The following ZHX3 variants were observed in gnomAD, a reference collection of about 807,000 sequenced individuals.
ZHX3 encodes the protein zinc fingers and homeoboxes protein 3.
A neutral mutation model predicts 64.5 loss-of-function variants in ZHX3; 20 were observed. The ratio of observed to expected loss-of-function variants is 0.31; its 90% CI spans 0.22 to 0.45. ZHX3 has a LOEUF of 0.45. Ranked by LOEUF, ZHX3 falls within the 20% of genes least tolerant of loss-of-function variation. ZHX3 has a pLI of 1.00. For missense variants in ZHX3, 1,041 were observed against 1,195.8 expected, an observed-to-expected ratio of 0.87 and a Z score of 1.91; for synonymous variants, 423 against 461.6, an observed-to-expected ratio of 0.92 and a Z score of 1.07.
chr20:41,270,675 C>G (rs1280454599), intron 1 of ZHX3, among the ~76,000 whole-genome samples: 1 of 109,926 alleles, frequency 9.1e-6, no homozygotes, highest in Admixed American at 8.7e-5. Context: ...GACTCCGTCT[C>G]AGAAAAAAAA....
chr20:41,315,310 G>A (rs557028198), intron 1 of ZHX3, among the ~76,000 whole-genome samples: 115 of 145,526 alleles, frequency 7.9e-4, no homozygotes, highest in African/African-American at 2.7e-3. Context: ...AGCCTCCTGA[G>A]TAGCTGGGAT....
rs201097931 is a variant in ZHX3, at chr20:41,202,381, T to A, written c.2536A>T (p.Asn846Tyr). 117 of 1,614,066 alleles carry A rather than the reference T, an allele frequency of 7.2e-5. No homozygotes were observed. Among genetic ancestry groups the A allele is most frequent in the Admixed American group, 1.8e-4 (11 of 59,996 alleles). Reference sequence around the variant, plus strand: ...TAATAGTCCTGCAGGAGCTCCCGGTTGCCAGGGGCAATGACCAGTAGCCCT... The same window carrying A: ...TAATAGTCCTGCAGGAGCTCCCGGTAGCCAGGGGCAATGACCAGTAGCCCT... ...PPGLLVIAPGNRELLQDYYMT... is the reference protein window; with the variant it reads ...PPGLLVIAPGYRELLQDYYMT... Residue 846 changes from asparagine to tyrosine, a missense_variant, in exon 3 of 4, where the codon AAC (asparagine) becomes TAC (tyrosine). Transcript: ENST00000683867. This position sits in a 1 kb window ranked among gnomAD's most constrained non-coding sequence, Gnocchi z 7.0.
intron 2 of ZHX3, among the ~76,000 whole-genome samples, chr20:41,250,667 A>C (rs2146505480): frequency 6.6e-6 from 1 of 152,372 alleles, no homozygotes; most frequent in South Asian, 2.1e-4. Context: ...AATTTGCTGA[A>C]GGACATAAAC....
intron 2 of ZHX3, among the ~76,000 whole-genome samples, chr20:41,227,847 T>A (rs568696749): frequency 2.0e-5 from 3 of 152,160 alleles, no homozygotes; most frequent in Non-Finnish European, 2.9e-5. Flanking sequence ...TCCAAGTATA[T>A]CATAGTGGTA....
intron 1 of ZHX3, among the ~76,000 whole-genome samples, chr20:41,283,160 T>C (rs994260666): frequency 5.9e-5 from 9 of 152,194 alleles, no homozygotes. Context: ...ACACTCGCCT[T>C]GGCCTTCCAA....
At chr20:41,209,174 G>T (rs1483366377) in intron 2 of ZHX3, among the ~76,000 whole-genome samples, 1 of 152,150 alleles carries the variant, frequency 6.6e-6, no homozygotes, top group Non-Finnish European at 1.5e-5. Context: ...ACAAACCAGT[G>T]CTCAACGAAA....
In ZHX3 at chr20:41,201,915, C is replaced by G; in HGVS notation, c.2860+142G>C. On this transcript the variant is annotated intron_variant, in intron 3 of 3. Transcript: ENST00000683867. This position sits in a 1 kb window ranked among gnomAD's most constrained non-coding sequence, Gnocchi z 5.0. ...TATGGCTTCTGCTGCTAGTTGTCCT[C>G]TGAAGCAGCCAGGCGGTTAATGCTG... 3 of 1,028,226 alleles carry G rather than the reference C, an allele frequency of 2.9e-6. No individual in the cohort carries two copies. Among genetic ancestry groups the G allele is most frequent in the Non-Finnish European group, 4.1e-6 (3 of 734,198 alleles). The allele number at this position is 1,028,226 out of a possible 1,614,324, so 63.7% of individuals were successfully genotyped here.
chr20:41,185,747 A>C lies in ZHX3; in HGVS notation c.2861-546T>G, dbSNP rs1275646217. 1 of 155,086 alleles carries C rather than the reference A, an allele frequency of 6.4e-6. No individual in the cohort carries two copies. The highest frequency in any genetic ancestry group is 1.4e-5 in the Non-Finnish European group (1 of 70,082). 9.6% of individuals were successfully genotyped at this position (155,086 alleles called of 1,614,324 possible). A position where few individuals can be genotyped will look rare whatever the true frequency, so the allele number is the denominator to read the frequency against. On this transcript the variant is annotated intron_variant, in intron 3 of 3. Transcript: ENST00000683867. This position sits in a 1 kb window ranked among gnomAD's most constrained non-coding sequence, Gnocchi z 5.0. ...TCATAAAGAAATGGTCCTTAATTGC[A>C]GCTGGCTGAGAAAGCCATGAGAAAC...
At chr20:41,259,718 A>AATGC (rs1356258344) in intron 2 of ZHX3, among the ~76,000 whole-genome samples, 7 of 152,142 alleles carry the variant, frequency 4.6e-5, no homozygotes, top group Admixed American at 4.6e-4. Context: ...TATATATGTA[A>AATGC]ATGCATAGAA....
intron 2 of ZHX3, among the ~76,000 whole-genome samples, chr20:41,216,003 A>G (rs1227312523): frequency 1.3e-5 from 2 of 152,016 alleles, no homozygotes; most frequent in East Asian, 3.9e-4. Flanking sequence ...CAGAAACATA[A>G]CTATAGTGGG....
At position 41,215,429 on chromosome 20, in the gene ZHX3, T is replaced by C. The variant is rs1046971711; in HGVS notation, c.-150-10363A>G. ...ATTTCAGCACTGCAGTATACATATGTGAGTTTTTTAGATAAAAATCTTAAA... is the reference window on the plus strand; with the variant it reads ...ATTTCAGCACTGCAGTATACATATGCGAGTTTTTTAGATAAAAATCTTAAA... On this transcript the variant is annotated intron_variant, in intron 2 of 3. Transcript: ENST00000683867. Among the ~76,000 whole-genome samples the C allele has an allele frequency of 8.5e-5, 13 of 152,340 alleles. No homozygotes were observed. In the East Asian group the frequency reaches 2.5e-3, roughly 29 times the overall value.
intron 1 of ZHX3, among the ~76,000 whole-genome samples, chr20:41,313,888 G>A (rs919210009): frequency 2.0e-5 from 3 of 152,220 alleles, no homozygotes; most frequent in South Asian, 2.1e-4. Flanking sequence ...GAGCCACCAC[G>A]CCCAGCCTCC....
At chr20:41,283,414 A>G (rs933583480) in intron 1 of ZHX3, among the ~76,000 whole-genome samples, 1 of 152,142 alleles carries the variant, frequency 6.6e-6, no homozygotes. Flanking sequence ...ACACACCACT[A>G]AGGGCAAAAG....
intron 1 of ZHX3, among the ~76,000 whole-genome samples, chr20:41,308,121 A>C (rs2045032457): frequency 6.6e-6 from 1 of 152,190 alleles, no homozygotes; most frequent in Admixed American, 6.5e-5. Flanking sequence ...CATCACACTG[A>C]TCGGTTGAGT....
At chr20:41,244,710 C>G (rs2041586582) in intron 2 of ZHX3, among the ~76,000 whole-genome samples, 1 of 152,100 alleles carries the variant, frequency 6.6e-6, no homozygotes, top group Non-Finnish European at 1.5e-5. Context: ...AAAGAGAAGA[C>G]AACCAGGGGG....
intron 3 of ZHX3, among the ~76,000 whole-genome samples, chr20:41,198,853 A>G (rs1225722421): frequency 6.6e-6 from 1 of 152,124 alleles, no homozygotes; most frequent in Non-Finnish European, 1.5e-5. Flanking sequence ...TAATAACTAT[A>G]TGAATATATG....
In ZHX3 at chr20:41,232,691, G is replaced by T. The variant is rs1044198344; in HGVS notation, c.-150-27625C>A. Reference sequence around the variant, plus strand: ...TGCAAGCTCCGCCTCCCGGGTTCACGCCATTCTCCTGCCTCAGCCTCCCGC... The same window carrying T: ...TGCAAGCTCCGCCTCCCGGGTTCACTCCATTCTCCTGCCTCAGCCTCCCGC... On this transcript the variant is annotated intron_variant, in intron 2 of 3. Coordinates refer to ENST00000683867, the MANE Select transcript of ZHX3 (RefSeq NM_001384317.1). The surrounding 1 kb of genome is among the most constrained non-coding windows in gnomAD (Gnocchi z 5.0). Among the ~76,000 whole-genome samples, 1 of 152,036 alleles carries T rather than the reference G, an allele frequency of 6.6e-6. No individual in the cohort carries two copies. Among genetic ancestry groups the T allele is most frequent in the Non-Finnish European group, 1.5e-5 (1 of 68,014 alleles).
Position 41,202,354 on chromosome 20 carries a change from T to C in ZHX3, c.2563A>G (p.Met855Val), listed in dbSNP as rs753849228. Residue 855 changes from methionine (M) to valine (V), a missense_variant, in exon 3 of 4, where the codon ATG becomes GTG. This residue lies in a region of ZHX3 where 649 missense variants were observed against 739.8 expected (regional missense o/e 0.88). Coordinates refer to ENST00000683867, the MANE Select transcript of ZHX3 (RefSeq NM_001384317.1). This position sits in a 1 kb window ranked among gnomAD's most constrained non-coding sequence, Gnocchi z 7.0. ...GNRELLQDYY[M>V]THKMLYEEDL... ...TCTTCATACAGCATCTTGTGTGTCA[T>C]GTAATAGTCCTGCAGGAGCTCCCGG... The C allele has an allele frequency of 2.5e-6, 4 of 1,614,162 alleles. No homozygotes were observed. The highest frequency in any genetic ancestry group is 3.4e-6 in the Non-Finnish European group (4 of 1,180,026).
chr20:41,201,393 T>G lies in ZHX3; in HGVS notation c.2860+664A>C, dbSNP rs146083419. 3.1e-6 allele frequency: 4 copies of G among 1,300,618 alleles called. No homozygotes were observed. The highest frequency in any genetic ancestry group is 4.1e-6 in the Non-Finnish European group (4 of 985,520). The allele number at this position is 1,300,618 out of a possible 1,614,324, so 80.6% of individuals were successfully genotyped here. ...ACTCAGTGACCAGGAACCTAGAAAA[T>G]CAACACGTAATAACATGACTTGTCT... On this transcript the variant is annotated intron_variant, in intron 3 of 3. Transcript: ENST00000683867. This position sits in a 1 kb window ranked among gnomAD's most constrained non-coding sequence, Gnocchi z 5.0.
Sources: allele counts gnomAD v4.1 joint callset (sites outside exome capture counted in the v4.1 genomes callset), GRCh38; gene constraint gnomAD v4.1.1; regional missense constraint gnomAD v4.1.1; non-coding constraint Gnocchi (gnomAD v3.1); transcripts MANE v1.5; gene names NCBI Gene and HGNC (gene_info 2026-07-23, HGNC 2026-07-21).